Variants in EYS observed in about 807,000 individuals in gnomAD.
EYS encodes the protein protein eyes shut homolog.
EYS carries 250 observed loss-of-function variants against 282.1 expected under a neutral mutation model. The ratio of observed to expected loss-of-function variants is 0.89; its 90% CI spans 0.80 to 0.98. The LOEUF is 0.98. EYS is among the 50% of genes least tolerant of loss of function. The pLI, the probability that EYS is intolerant of heterozygous loss-of-function variation, is 0.00. For missense variants in EYS, 4,016 were observed against 3,709.0 expected, an observed-to-expected ratio of 1.08 and a Z score of -2.15; for synonymous variants, 1,355 against 1,282.9, an observed-to-expected ratio of 1.06 and a Z score of -1.20.
At chr6:63,877,289 A>G (rs1286649649) in intron 35 of EYS, among the ~76,000 whole-genome samples, 2 of 152,202 alleles carry the variant, frequency 1.3e-5, no homozygotes, top group Non-Finnish European at 2.9e-5. Flanking sequence ...AGAATGTTGA[A>G]TATTGGCCCC....
chr6:64,379,261 A>T (rs145351459), intron 29 of EYS, among the ~76,000 whole-genome samples: 1 of 152,172 alleles, frequency 6.6e-6, no homozygotes, highest in African/African-American at 2.4e-5. Context: ...CAAAGCACTT[A>T]AGCCAAAAAT....
intron 21 of EYS, 95 bp from the exon 22 acceptor site, chr6:64,813,672 T>C (rs1009130878): frequency 2.7e-6 from 2 of 743,606 alleles, no homozygotes; most frequent in African/African-American, 3.7e-5. Context: ...TCTAAAAAAC[T>C]GATGTGCAAA....
chr6:65,208,564 A>G (rs995832405), intron 12 of EYS, among the ~76,000 whole-genome samples: 1 of 151,932 alleles, frequency 6.6e-6, no homozygotes, highest in Non-Finnish European at 1.5e-5. Flanking sequence ...GTGTCCATCA[A>G]TGGTTGATTG....
At chr6:64,912,451 T>C in intron 16 of EYS, 33 bp downstream of exon 16, 1 of 1,536,632 alleles carries the variant, frequency 6.5e-7, no homozygotes, top group Non-Finnish European at 8.8e-7. Context: ...TAAGTAATTA[T>C]TTAAAAACAA....
chr6:64,737,659 T>C (rs944682876), intron 22 of EYS, among the ~76,000 whole-genome samples: 2 of 152,220 alleles, frequency 1.3e-5, no homozygotes, highest in Non-Finnish European at 2.9e-5. Flanking sequence ...CAATGGAACA[T>C]GCCAGTGAGC....
At chr6:63,840,809 G>A (rs1200356414) in intron 36 of EYS, among the ~76,000 whole-genome samples, 2 of 152,098 alleles carry the variant, frequency 1.3e-5, no homozygotes, top group Non-Finnish European at 2.9e-5. Flanking sequence ...TTTCCCTAGT[G>A]AATGTCCTTG....
intron 26 of EYS, among the ~76,000 whole-genome samples, chr6:64,463,221 G>C (rs1363445845): frequency 6.6e-6 from 1 of 152,112 alleles, no homozygotes. Flanking sequence ...AAAGTGCTGG[G>C]ATTACAGGCG....
intron 22 of EYS, chr6:64,730,968 T>C (rs1771941872): frequency 6.6e-6 from 1 of 152,200 alleles, no homozygotes; most frequent in South Asian, 2.1e-4. Context: ...TTCCTGTTTT[T>C]AACATAGGGC....
chr6:64,069,319 C>A (rs1771485593), intron 32 of EYS, among the ~76,000 whole-genome samples: 1 of 151,626 alleles, frequency 6.6e-6, no homozygotes, highest in African/African-American at 2.4e-5. Context: ...GTAAATAATT[C>A]TTATGATGTA....
At chr6:64,134,317 G>T (rs1774088229) in intron 31 of EYS, among the ~76,000 whole-genome samples, 1 of 151,932 alleles carries the variant, frequency 6.6e-6, no homozygotes, top group African/African-American at 2.4e-5. Flanking sequence ...AATAAAGCTG[G>T]TGGAATAGAT....
rs779702401 is a variant in EYS, at chr6:63,797,410, G to A, written c.7412-8186C>T. On this transcript the variant is annotated intron_variant, in intron 37 of 42. Coordinates refer to ENST00000503581, the MANE Select transcript of EYS (RefSeq NM_001142800.2). Reference sequence around the variant, plus strand: ...ACTGCCGGAACAAGATGTATCGAGTGATATAGGATTCTAGACATTTGAGCC... The same window carrying A: ...ACTGCCGGAACAAGATGTATCGAGTAATATAGGATTCTAGACATTTGAGCC... The A allele has an allele frequency of 3.3e-5, 5 of 152,286 alleles. No individual in the cohort carries two copies. In the East Asian group the frequency reaches 9.6e-4, roughly 29 times the overall value. The allele number at this position is 152,286 out of a possible 1,614,324, so 9.4% of individuals were successfully genotyped here.
intron 22 of EYS, among the ~76,000 whole-genome samples, chr6:64,782,478 G>A (rs1773891037): frequency 6.6e-6 from 1 of 152,140 alleles, no homozygotes; most frequent in Non-Finnish European, 1.5e-5. Context: ...ATCTTTTAAG[G>A]ACTGACACTA....
chr6:64,450,852 A>T (rs1171908881), intron 26 of EYS, among the ~76,000 whole-genome samples: 3 of 152,212 alleles, frequency 2.0e-5, no homozygotes, highest in Admixed American at 2.0e-4. Context: ...GGACACATTC[A>T]AAGCAGTGTA....
intron 26 of EYS, among the ~76,000 whole-genome samples, chr6:64,551,536 CTTTTTT>C (rs34550861): frequency 9.1e-5 from 12 of 131,810 alleles, no homozygotes; most frequent in African/African-American, 3.4e-4. Flanking sequence ...CAAGTGCATT[CTTTTTT>C]TTTTTTTTTT....
chr6:64,098,151 C>T (rs150753818), intron 31 of EYS, among the ~76,000 whole-genome samples: 2 of 152,136 alleles, frequency 1.3e-5, no homozygotes, highest in Non-Finnish European at 2.9e-5. Context: ...GTAACACTAT[C>T]AATCGTTTTC....
intron 12 of EYS, among the ~76,000 whole-genome samples, chr6:65,101,335 T>C (rs1774887511): frequency 1.3e-5 from 2 of 151,280 alleles, no homozygotes; most frequent in African/African-American, 4.8e-5. Flanking sequence ...TGGTACCTTG[T>C]AAGTGAATGC....
chr6:64,847,079 AC>A (rs1322134001), intron 19 of EYS, among the ~76,000 whole-genome samples: 5 of 152,112 alleles, frequency 3.3e-5, no homozygotes, highest in Non-Finnish European at 5.9e-5. Flanking sequence ...AGTGAATTCT[AC>A]CTGCCTGTCT....
chr6:65,041,442 G>T (rs977695289), intron 13 of EYS, among the ~76,000 whole-genome samples: 6 of 151,560 alleles, frequency 4.0e-5, no homozygotes, highest in Admixed American at 6.6e-5. Flanking sequence ...TTAACAAAGG[G>T]TTTAAAAACC....
intron 19 of EYS, among the ~76,000 whole-genome samples, chr6:64,873,699 CAA>C (rs1009565497): frequency 6.6e-6 from 1 of 150,894 alleles, no homozygotes; most frequent in South Asian, 2.1e-4. Flanking sequence ...ATTCTCATTA[CAA>C]AAAAAATTAT....
Sources: allele counts gnomAD v4.1 joint callset (sites outside exome capture counted in the v4.1 genomes callset), GRCh38; gene constraint gnomAD v4.1.1; transcripts MANE v1.5; gene names NCBI Gene and HGNC (gene_info 2026-07-23, HGNC 2026-07-21).